PPP4R4: variants seen among roughly 807,000 people sequenced by gnomAD.
The protein encoded by PPP4R4 is protein phosphatase 4 regulatory subunit 4, also known as serine/threonine-protein phosphatase 4 regulatory subunit 4.
Under a neutral mutation model 121.8 loss-of-function variants are expected in PPP4R4, and 70 were observed. The observed-to-expected ratio is 0.57, with a 90% confidence interval of 0.47 to 0.70. The LOEUF is 0.70. PPP4R4 is among the 30% of genes least tolerant of loss of function. PPP4R4 has a pLI of 0.00. For synonymous variants in PPP4R4, 348 were observed against 355.7 expected, an observed-to-expected ratio of 0.98 and a Z score of 0.24; for missense variants, 875 against 1,033.6, an observed-to-expected ratio of 0.85 and a Z score of 2.10.
chr14:94,174,509 A>T lies in PPP4R4; in HGVS notation c.44A>T (p.Asn15Ile). 2 of 1,612,058 alleles carry T rather than the reference A, an allele frequency of 1.2e-6. No homozygotes were observed. The highest frequency in any genetic ancestry group is 1.7e-6 in the Non-Finnish European group (2 of 1,179,104). ...PPAAAMDFSQ[N>I]SLFGYMEDLQ... ...GCCGCCGCGATGGATTTCAGTCAGAACAGCCTGTTCGGTTACATGGAGGAC... is the reference window on the plus strand; with the variant it reads ...GCCGCCGCGATGGATTTCAGTCAGATCAGCCTGTTCGGTTACATGGAGGAC... Residue 15 changes from asparagine to isoleucine, a missense_variant, in exon 1 of 25, where the codon AAC (asparagine) becomes ATC (isoleucine). By Grantham distance (149) the Asn-to-Ile change is moderately radical. Transcript: ENST00000304338.
chr14:94,195,248 A>T (rs923505412), intron 2 of PPP4R4, among the ~76,000 whole-genome samples: 2 of 151,754 alleles, frequency 1.3e-5, no homozygotes, highest in East Asian at 3.9e-4. Flanking sequence ...ATCACCTGGA[A>T]ACTTCTTAGA....
intron 3 of PPP4R4, among the ~76,000 whole-genome samples, chr14:94,216,816 C>T (rs981055382): frequency 6.6e-6 from 1 of 152,136 alleles, no homozygotes; most frequent in Admixed American, 6.5e-5. Context: ...AGAAAACCCT[C>T]ACTCCTCCAG....
intron 3 of PPP4R4, among the ~76,000 whole-genome samples, chr14:94,226,977 G>A (rs1891742574): frequency 6.6e-6 from 1 of 152,082 alleles, no homozygotes. Flanking sequence ...TATAATACAG[G>A]CTTGTTGGAG....
At chr14:94,184,141 C>T (rs1050624508) in intron 2 of PPP4R4, among the ~76,000 whole-genome samples, 1 of 152,140 alleles carries the variant, frequency 6.6e-6, no homozygotes, top group Non-Finnish European at 1.5e-5. Flanking sequence ...AATTAGTTCC[C>T]AGTAAAAAGT....
At chr14:94,262,231 A>G (rs1484349866) in intron 19 of PPP4R4, among the ~76,000 whole-genome samples, 1 of 152,034 alleles carries the variant, frequency 6.6e-6, no homozygotes, top group Non-Finnish European at 1.5e-5. Context: ...AGTAGACATT[A>G]GATAATGTAG....
intron 19 of PPP4R4, among the ~76,000 whole-genome samples, chr14:94,261,914 C>T (rs1162860026): frequency 6.6e-6 from 1 of 151,912 alleles, no homozygotes; most frequent in Non-Finnish European, 1.5e-5. Flanking sequence ...GGTTTATTGT[C>T]CTTTTTCTCC....
intron 7 of PPP4R4, among the ~76,000 whole-genome samples, chr14:94,236,450 T>G (rs558969032): frequency 1.3e-5 from 2 of 152,190 alleles, no homozygotes; most frequent in Non-Finnish European, 2.9e-5. Flanking sequence ...CTCTTCTACC[T>G]CCTCTGTCTA....
Position 94,231,367 on chromosome 14 carries a change from T to C in PPP4R4, c.516+52T>C, listed in dbSNP as rs531603882. 20 of 1,449,940 alleles carry C rather than the reference T, an allele frequency of 1.4e-5. No homozygotes were observed. In the Admixed American group the frequency reaches 2.1e-4, roughly 15 times the overall value. 89.8% of individuals were successfully genotyped at this position (1,449,940 alleles called of 1,614,324 possible). A position where few individuals can be genotyped will look rare whatever the true frequency, so the allele number is the denominator to read the frequency against. On this transcript the variant is annotated intron_variant, in intron 5 of 24. Transcript: ENST00000304338. ...AATAAGTAAGTCACTCTAAGGTTTT[T>C]TTTTAAAAGGTTTCTTGTCAAAAAT... is the stretch of plus-strand genomic sequence containing the variant.
chr14:94,275,949 T>C (rs1894616204), intron 24 of PPP4R4, among the ~76,000 whole-genome samples: 1 of 152,196 alleles, frequency 6.6e-6, no homozygotes, highest in Admixed American at 6.5e-5. Context: ...GTGAGTCCAA[T>C]AAACTGAAGA....
rs1159237092 is a variant in PPP4R4 at position 94,240,793 on chromosome 14, A to C, written c.974A>C (p.Tyr325Ser). 4 of 1,566,070 alleles carry C rather than the reference A, an allele frequency of 2.6e-6. No homozygotes were observed. Among genetic ancestry groups the C allele is most frequent in the Non-Finnish European group, 8.6e-7 (1 of 1,162,072 alleles). ...TTAGGAAAACTATGTCATGGACTAT[A>C]TGGTATGATATATCCTAAGAATTTT... ...FHLGKLCHGL[Y>S]GIFTPDQHLR... is the part of the protein sequence containing the mutation. The change falls in exon 9 of 25, where the codon TAT becomes TCT. Residue 325 changes from tyrosine to serine, a missense_variant and splice_region_variant. Transcript: ENST00000304338.
At chr14:94,228,220 G>A (rs889054854) in intron 3 of PPP4R4, among the ~76,000 whole-genome samples, 5 of 152,112 alleles carry the variant, frequency 3.3e-5, no homozygotes, top group East Asian at 1.9e-4. Flanking sequence ...CTCCCACACC[G>A]CCACATGAAG....
chr14:94,253,727 A>T (rs1447014836), intron 16 of PPP4R4, among the ~76,000 whole-genome samples: 1 of 152,196 alleles, frequency 6.6e-6, no homozygotes, highest in Non-Finnish European at 1.5e-5. Flanking sequence ...GAGTAATTAA[A>T]TATTACTCTA....
intron 8 of PPP4R4, among the ~76,000 whole-genome samples, chr14:94,239,625 T>C (rs1892523894): frequency 6.6e-6 from 1 of 152,116 alleles, no homozygotes; most frequent in African/African-American, 2.4e-5. Flanking sequence ...ATAAAGTTTA[T>C]TGGGACAGAG....
At chr14:94,214,986 T>G (rs1338667445) in intron 3 of PPP4R4, among the ~76,000 whole-genome samples, 1 of 152,234 alleles carries the variant, frequency 6.6e-6, no homozygotes, top group African/African-American at 2.4e-5. Flanking sequence ...ATTTCATATT[T>G]AGACTTGGGT....
In PPP4R4 at chr14:94,244,723, C is replaced by A; in HGVS notation, c.1344+11C>A. ...GATGAATCACTGGAGGTAATATTTT[C>A]TTACTCTTTGATTTTTAATTCTTTT... On this transcript the variant is annotated intron_variant, in intron 12 of 24. Coordinates refer to ENST00000304338, the MANE Select transcript of PPP4R4 (RefSeq NM_058237.2). 1.3e-6 allele frequency: 2 copies of A among 1,484,008 alleles called. No homozygotes were observed. Among genetic ancestry groups the A allele is most frequent in the East Asian group, 2.5e-5 (1 of 39,880 alleles). 91.9% of individuals were successfully genotyped at this position (1,484,008 alleles called of 1,614,324 possible).
chr14:94,199,137 G>A (rs1567110463), intron 2 of PPP4R4, among the ~76,000 whole-genome samples: 1 of 152,212 alleles, frequency 6.6e-6, no homozygotes, highest in Non-Finnish European at 1.5e-5. Context: ...ACAGTATTGA[G>A]TCTTTGATAC....
Position 94,178,503 on chromosome 14 carries a change from G to A in PPP4R4, c.191+2376G>A, listed in dbSNP as rs74513395. ...AGTAAGCAATGCTTTATATTAGTGGGGTTCTGATAGCATTTAGATTGAATC... is the reference window on the plus strand; with the variant it reads ...AGTAAGCAATGCTTTATATTAGTGGAGTTCTGATAGCATTTAGATTGAATC... On this transcript the variant is annotated intron_variant, in intron 2 of 24. Coordinates refer to ENST00000304338, the MANE Select transcript of PPP4R4 (RefSeq NM_058237.2). 2.2e-3 allele frequency among the ~76,000 whole-genome samples: 327 copies of A among 151,540 alleles called. 3 individuals carry two copies. The highest frequency in any genetic ancestry group is 7.2e-3 in the African/African-American group (296 of 41,352).
chr14:94,251,676 G>A, intron 15 of PPP4R4, 73 bp from the exon 16 acceptor site: 1 of 1,219,926 alleles, frequency 8.2e-7, no homozygotes, highest in Non-Finnish European at 1.1e-6. Context: ...TATGCATTTT[G>A]TGTGTCTAAC....
chr14:94,263,113 C>T (rs1893867557), intron 19 of PPP4R4, among the ~76,000 whole-genome samples: 1 of 152,044 alleles, frequency 6.6e-6, no homozygotes, highest in Admixed American at 6.6e-5. Flanking sequence ...TGAAATTTAT[C>T]CAGTTTGGAT....
Sources: gnomAD v4.1 joint callset for allele counts (sites outside exome capture counted in the v4.1 genomes callset) on GRCh38, gnomAD v4.1.1 for gene constraint, MANE v1.5 for transcripts, NCBI Gene and HGNC (gene_info 2026-07-23, HGNC 2026-07-21) for gene names.